Variants in STS observed in about 807,000 individuals in gnomAD.
STS encodes steryl-sulfatase.
Under a neutral mutation model 26.8 loss-of-function variants are expected in STS, and 7 were observed. The ratio of observed to expected loss-of-function variants is 0.26; its 90% CI spans 0.15 to 0.49. The LOEUF is 0.49. Ranked by LOEUF, STS falls within the 20% of genes least tolerant of loss-of-function variation. The probability of loss-of-function intolerance (pLI) is 0.98; values close to 1 mark genes in which losing one functional copy is unlikely to be tolerated. For synonymous variants in STS, 199 were observed against 189.4 expected, an observed-to-expected ratio of 1.05 and a Z score of -0.42; for missense variants, 434 against 465.6, an observed-to-expected ratio of 0.93 and a Z score of 0.63.
chrX:7,332,654 C>A (rs111650053), intron 9 of STS, among the ~76,000 whole-genome samples: 3 of 111,144 alleles, frequency 2.7e-5, no homozygotes, highest in African/African-American at 9.8e-5. Flanking sequence ...CTTACTTCTT[C>A]CTTCCTTTCA....
intron 1 of STS, among the ~76,000 whole-genome samples, chrX:7,169,494 C>G (rs769703982): frequency 8.9e-6 from 1 of 112,433 alleles, no homozygotes; most frequent in South Asian, 3.7e-4. Flanking sequence ...CTGCTGTGAA[C>G]ATTGATGTAC....
At chrX:7,305,626 G>C (rs1337609474) in intron 8 of STS, among the ~76,000 whole-genome samples, 1 of 111,765 alleles carries the variant, frequency 8.9e-6, no homozygotes, top group East Asian at 2.8e-4. Flanking sequence ...CAAGCTCTTG[G>C]GGGGAATCTG....
intron 10 of STS, among the ~76,000 whole-genome samples, chrX:7,344,761 T>A (rs1405918478): frequency 9.0e-6 from 1 of 111,702 alleles, no homozygotes; most frequent in Non-Finnish European, 1.9e-5. Context: ...CGCTGTGGGT[T>A]AGAAGCAGGG....
At chrX:7,343,994 C>A (rs1393965702) in intron 10 of STS, among the ~76,000 whole-genome samples, 12 of 112,022 alleles carry the variant, frequency 1.1e-4, no homozygotes, top group Admixed American at 9.4e-4. Flanking sequence ...TCCTTTAGAG[C>A]TGTTCATTCA....
chrX:7,264,125 T>C (rs1018557787), intron 6 of STS, among the ~76,000 whole-genome samples: 2 of 111,521 alleles, frequency 1.8e-5, no homozygotes, highest in Non-Finnish European at 3.8e-5. Flanking sequence ...GCAATATGCC[T>C]GTTGTCTGGG....
intron 10 of STS, among the ~76,000 whole-genome samples, chrX:7,347,646 C>A (rs1319247408): frequency 9.0e-6 from 1 of 111,295 alleles, no homozygotes; most frequent in Non-Finnish European, 1.9e-5. Flanking sequence ...ATTCCAGGAG[C>A]CTGTATTCTC....
At chrX:7,232,768 A>T (rs1441199518) in intron 2 of STS, among the ~76,000 whole-genome samples, 1 of 112,007 alleles carries the variant, frequency 8.9e-6, no homozygotes, top group Admixed American at 9.4e-5. Context: ...CACAAATCTC[A>T]TCTTGAATTG....
intron 6 of STS, among the ~76,000 whole-genome samples, chrX:7,266,364 A>G (rs1924006834): frequency 8.9e-6 from 1 of 112,088 alleles, no homozygotes; most frequent in African/African-American, 3.2e-5. Context: ...ACAAGGAGGC[A>G]TAAGGCAAAG....
intron 7 of STS, among the ~76,000 whole-genome samples, chrX:7,303,497 A>G (rs1345848901): frequency 9.0e-6 from 1 of 110,704 alleles, no homozygotes; most frequent in Admixed American, 9.6e-5. Context: ...CCAACCTCCC[A>G]CCGGCGGTGA....
rs200452685 is a variant in STS, at chrX:7,244,221, CA to C, written c.-4-8972del. On this transcript the variant is annotated intron_variant, in intron 2 of 10. Transcript: ENST00000674429. Reference sequence around the variant, plus strand: ...GGTAGCAAAAGATTTGCCACATGGACAAATGACAAAATAAGCAACTTAGAAG... The same window carrying C: ...GGTAGCAAAAGATTTGCCACATGGACAATGACAAAATAAGCAACTTAGAAG... Among the ~76,000 whole-genome samples the C allele has an allele frequency of 6.4e-3, 713 of 111,996 alleles. 4 individuals carry two copies. The highest frequency in any genetic ancestry group is 0.022 in the African/African-American group (683 of 30,806).
In STS at chrX:7,282,955, A is replaced by G. The variant is rs1323423968; in HGVS notation, c.943+6868A>G. On this transcript the variant is annotated intron_variant, in intron 7 of 10. Coordinates refer to ENST00000674429, the MANE Select transcript of STS (RefSeq NM_001320752.2). ...TTGGGCAACCTGTGACCCACAATTTATCTCCATCTAATCCAGGATAAGAGT... is the reference window on the plus strand; with the variant it reads ...TTGGGCAACCTGTGACCCACAATTTGTCTCCATCTAATCCAGGATAAGAGT... 2.7e-5 allele frequency among the ~76,000 whole-genome samples: 3 copies of G among 111,894 alleles called. No individual in the cohort carries two copies. In the East Asian group the frequency reaches 8.5e-4, roughly 32 times the overall value.
At chrX:7,268,943 G>A (rs1924139892) in intron 6 of STS, among the ~76,000 whole-genome samples, 1 of 109,700 alleles carries the variant, frequency 9.1e-6, no homozygotes, top group African/African-American at 3.3e-5. Context: ...GATGCCAGGA[G>A]TTCAAGACCA....
chrX:7,226,341 A>G (rs1164433799), intron 2 of STS, among the ~76,000 whole-genome samples: 1 of 111,907 alleles, frequency 8.9e-6, no homozygotes, highest in Non-Finnish European at 1.9e-5. Context: ...ATTTATTTTC[A>G]TGGCTGAGTA....
intron 2 of STS, among the ~76,000 whole-genome samples, chrX:7,241,599 C>T (rs143320984): frequency 0.011 from 1,221 of 112,104 alleles, 18 homozygotes; most frequent in African/African-American, 0.037. Context: ...ATTTCAGAGC[C>T]GCTGTCCTGG....
intron 8 of STS, among the ~76,000 whole-genome samples, chrX:7,323,814 C>T (rs750809021): frequency 6.2e-4 from 69 of 111,615 alleles, no homozygotes; most frequent in African/African-American, 2.2e-3. Flanking sequence ...TATTCCTTGC[C>T]TTATCCAACT....
intron 7 of STS, among the ~76,000 whole-genome samples, chrX:7,296,250 C>T (rs912849205): frequency 1.8e-5 from 2 of 111,909 alleles, no homozygotes; most frequent in Non-Finnish European, 3.8e-5. Context: ...ACCTCCTACT[C>T]CATGGCACAG....
At chrX:7,191,108 A>G (rs2147015892) in intron 2 of STS, 100 bp downstream of exon 2, 1 of 378,775 alleles carries the variant, frequency 2.6e-6, no homozygotes, top group East Asian at 2.1e-4. Context: ...GTATGCAGTG[A>G]TCTTGATAAT....
chrX:7,265,490 T>C (rs1923964597), intron 6 of STS, among the ~76,000 whole-genome samples: 1 of 112,169 alleles, frequency 8.9e-6, no homozygotes, highest in Non-Finnish European at 1.9e-5. Context: ...AATTTATTGA[T>C]CATGAGGATA....
intron 9 of STS, 80 bp downstream of exon 9, chrX:7,325,578 T>A: frequency 7.2e-6 from 8 of 1,115,815 alleles, no homozygotes; most frequent in Non-Finnish European, 8.6e-6. Context: ...TGCATAATGG[T>A]GTGGGGACCA....
Sources: allele counts gnomAD v4.1 joint callset (sites outside exome capture counted in the v4.1 genomes callset), GRCh38; gene constraint gnomAD v4.1.1; transcripts MANE v1.5; gene names NCBI Gene and HGNC (gene_info 2026-07-23, HGNC 2026-07-21).